PLPP4: variants seen among roughly 807,000 people sequenced by gnomAD.
The protein encoded by PLPP4 is diacylglycerol pyrophosphate like 2.
In PLPP4, 20 loss-of-function variants were observed where a neutral mutation model predicts 32.2. The observed-to-expected ratio is 0.62, with a 90% CI of 0.44 to 0.90. PLPP4 has a LOEUF of 0.90. Ranked by LOEUF, PLPP4 falls within the 40% of genes least tolerant of loss-of-function variation. PLPP4 has a pLI of 0.00. For synonymous variants in PLPP4, 127 were observed against 133.0 expected, an observed-to-expected ratio of 0.95 and a Z score of 0.31; for missense variants, 257 against 353.1, an observed-to-expected ratio of 0.73 and a Z score of 2.18.
chr10:120,520,942 A>G, intron 4 of PLPP4, 29 bp from the exon 5 acceptor site: 1 of 1,613,484 alleles, frequency 6.2e-7, no homozygotes, highest in Middle Eastern at 1.7e-4. Context: ...AGCATTTTAT[A>G]TTGAAAATGT....
At chr10:120,512,824 A>G (rs954530270) in intron 2 of PLPP4, among the ~76,000 whole-genome samples, 1 of 152,176 alleles carries the variant, frequency 6.6e-6, no homozygotes, top group Non-Finnish European at 1.5e-5. Context: ...AAAATAAAAA[A>G]TACATTTAAA....
At chr10:120,506,497 T>C (rs924869677) in intron 2 of PLPP4, among the ~76,000 whole-genome samples, 4 of 152,246 alleles carry the variant, frequency 2.6e-5, no homozygotes, top group Non-Finnish European at 4.4e-5. Context: ...AAAGCTCACA[T>C]TTTTTCATTT....
At chr10:120,566,848 C>T (rs961724543) in intron 5 of PLPP4, among the ~76,000 whole-genome samples, 1 of 152,234 alleles carries the variant, frequency 6.6e-6, no homozygotes, top group South Asian at 2.1e-4. Flanking sequence ...AGCCACGGCA[C>T]CTGGCCTTTT....
chr10:120,530,282 C>CCAGTCAA (rs1357573424), intron 5 of PLPP4, among the ~76,000 whole-genome samples: 2 of 152,154 alleles, frequency 1.3e-5, no homozygotes, highest in Admixed American at 1.3e-4. Flanking sequence ...ATGTCCATGT[C>CCAGTCAA]CAGTCAATCT....
chr10:120,463,273 A>C (rs572163428), intron 1 of PLPP4, among the ~76,000 whole-genome samples: 1 of 152,116 alleles, frequency 6.6e-6, no homozygotes, highest in South Asian at 2.1e-4. Context: ...TGATCTGCCC[A>C]CCTTGGCCTC....
At chr10:120,552,212 T>TGA (rs1847944241) in intron 5 of PLPP4, among the ~76,000 whole-genome samples, 2 of 102,454 alleles carry the variant, frequency 2.0e-5, no homozygotes, top group African/African-American at 6.0e-5. Context: ...GTGTGTGATG[T>TGA]TATGTTTTGT....
intron 5 of PLPP4, among the ~76,000 whole-genome samples, chr10:120,558,044 G>A (rs1848239940): frequency 6.6e-6 from 1 of 150,850 alleles, no homozygotes; most frequent in Admixed American, 6.6e-5. Context: ...TAAATATTAA[G>A]TAATAATAAA....
chr10:120,497,901 G>A (rs1163653848), intron 1 of PLPP4, among the ~76,000 whole-genome samples: 3 of 152,038 alleles, frequency 2.0e-5, no homozygotes, highest in Non-Finnish European at 4.4e-5. Flanking sequence ...TTAGCCAGGC[G>A]TGGTGGCCAG....
chr10:120,458,514 G>T (rs1426997247), intron 1 of PLPP4, among the ~76,000 whole-genome samples: 2 of 152,088 alleles, frequency 1.3e-5, no homozygotes, highest in Non-Finnish European at 2.9e-5. Flanking sequence ...GCAGCCCAGG[G>T]GATACACATG....
At chr10:120,493,262 C>T (rs1847841525) in intron 1 of PLPP4, among the ~76,000 whole-genome samples, 1 of 152,144 alleles carries the variant, frequency 6.6e-6, no homozygotes. Flanking sequence ...CGTGGGTTCA[C>T]CTAATTGTTC....
intron 5 of PLPP4, among the ~76,000 whole-genome samples, chr10:120,555,458 A>G (rs1455796735): frequency 6.6e-6 from 1 of 152,232 alleles, no homozygotes; most frequent in Non-Finnish European, 1.5e-5. Context: ...TCATCTGGAA[A>G]GACTGAACAG....
At chr10:120,469,950 T>C (rs1262214488) in intron 1 of PLPP4, among the ~76,000 whole-genome samples, 2 of 152,218 alleles carry the variant, frequency 1.3e-5, no homozygotes, top group Non-Finnish European at 2.9e-5. Context: ...GTGTACATTG[T>C]AGTGCACCTG....
chr10:120,563,912 A>G (rs528185476), intron 5 of PLPP4, among the ~76,000 whole-genome samples: 2 of 151,260 alleles, frequency 1.3e-5, no homozygotes, highest in African/African-American at 4.8e-5. Context: ...AGTCATTTCA[A>G]TTTATTTCAT....
chr10:120,589,203 G>C, intron 6 of PLPP4, 100 bp from the exon 7 acceptor site: 2 of 1,180,558 alleles, frequency 1.7e-6, no homozygotes, highest in South Asian at 1.4e-5. Flanking sequence ...AAGCAAACCA[G>C]GTCCTAGAAC....
chr10:120,551,293 T>TTTTATTCC, intron 5 of PLPP4, among the ~76,000 whole-genome samples: 1 of 152,216 alleles, frequency 6.6e-6, no homozygotes, highest in Non-Finnish European at 1.5e-5. Flanking sequence ...GTATAAATTG[T>TTTTATTCC]TACTGCCACT....
At chr10:120,489,205 C>T (rs180705401) in intron 1 of PLPP4, among the ~76,000 whole-genome samples, 5 of 152,152 alleles carry the variant, frequency 3.3e-5, no homozygotes, top group Admixed American at 2.0e-4. Flanking sequence ...TGATGAAGAA[C>T]GCAAGGTTTG....
chr10:120,507,933 C>A (rs940169937), intron 2 of PLPP4, among the ~76,000 whole-genome samples: 11 of 152,096 alleles, frequency 7.2e-5, no homozygotes, highest in Admixed American at 7.2e-4. Context: ...CACTAAAAAG[C>A]CTTGAGGAAT....
At chr10:120,543,868 G>A (rs905965387) in intron 5 of PLPP4, among the ~76,000 whole-genome samples, 3 of 152,104 alleles carry the variant, frequency 2.0e-5, no homozygotes, top group African/African-American at 4.8e-5. Context: ...TACCGTATTC[G>A]TCTTGTTGTG....
chr10:120,476,282 A>G (rs1247439145), intron 1 of PLPP4, among the ~76,000 whole-genome samples: 2 of 152,224 alleles, frequency 1.3e-5, no homozygotes, highest in Non-Finnish European at 2.9e-5. Flanking sequence ...TCCATAAGTT[A>G]TAACAACTGC....
Sources: allele counts gnomAD v4.1 joint callset (sites outside exome capture counted in the v4.1 genomes callset), GRCh38; gene constraint gnomAD v4.1.1; transcripts MANE v1.5; gene names NCBI Gene and HGNC (gene_info 2026-07-23, HGNC 2026-07-21).